Variants in PTN observed in about 807,000 individuals in gnomAD.
The protein encoded by PTN is heparin affin regulatory protein.
In PTN, 18 loss-of-function variants were observed where a neutral mutation model predicts 24.1. That is an observed-to-expected ratio of 0.75 (90% confidence interval 0.52 to 1.11). The LOEUF is 1.11. Ranked by LOEUF, PTN falls within the 50% of genes least tolerant of loss-of-function variation. The pLI is 0.00. For missense variants in PTN, 163 were observed against 198.8 expected, an observed-to-expected ratio of 0.82 and a Z score of 1.08; for synonymous variants, 78 against 68.6, an observed-to-expected ratio of 1.14 and a Z score of -0.67.
intron 1 of PTN, among the ~76,000 whole-genome samples, chr7:137,264,022 C>A (rs1809090492): frequency 6.6e-6 from 1 of 152,146 alleles, no homozygotes; most frequent in Non-Finnish European, 1.5e-5. Flanking sequence ...TGAGTGAATT[C>A]TTTCCTTTTT....
rs181444840 is a variant in PTN at position 137,290,933 on chromosome 7, G to T, written c.-1-35959C>A. ...ACCATTTCTCTTCATCACACAACGT[G>T]GAACATTTGAAAGGTATTTTTTAAG... On this transcript the variant is annotated intron_variant, in intron 1 of 4. Coordinates refer to ENST00000348225, the MANE Select transcript of PTN (RefSeq NM_002825.7). Among the ~76,000 whole-genome samples, 4 of 152,126 alleles carry T rather than the reference G, an allele frequency of 2.6e-5. No homozygotes were observed. In the East Asian group the frequency reaches 7.7e-4, roughly 29 times the overall value.
chr7:137,283,292 T>C (rs545426619), intron 1 of PTN, among the ~76,000 whole-genome samples: 2 of 152,318 alleles, frequency 1.3e-5, no homozygotes, highest in Admixed American at 1.3e-4. Flanking sequence ...TGAAGTTAGC[T>C]ACTCCTTCAA....
intron 1 of PTN, among the ~76,000 whole-genome samples, chr7:137,332,361 G>A (rs900206967): frequency 2.7e-5 from 4 of 150,580 alleles, no homozygotes; most frequent in African/African-American, 9.8e-5. Flanking sequence ...GTATATTTGT[G>A]TTTTCCTAAT....
At chr7:137,251,174 GATCTT>G in intron 4 of PTN, 51 bp downstream of exon 4, 1 of 1,579,750 alleles carries the variant, frequency 6.3e-7, no homozygotes, top group Non-Finnish European at 8.7e-7. Flanking sequence ...GGGTTTTCCA[GATCTT>G]ACCTGAGTCC....
At chr7:137,259,554 G>C (rs146256958) in intron 1 of PTN, among the ~76,000 whole-genome samples, 132 of 151,918 alleles carry the variant, frequency 8.7e-4, no homozygotes, top group African/African-American at 3.1e-3. Flanking sequence ...TACAGTATTA[G>C]TTGCTGAATA....
At chr7:137,266,222 AAT>A (rs1223624710) in intron 1 of PTN, among the ~76,000 whole-genome samples, 3 of 152,302 alleles carry the variant, frequency 2.0e-5, no homozygotes, top group South Asian at 4.1e-4. Flanking sequence ...AAGTTTAGCT[AAT>A]ATGTTTACAC....
intron 1 of PTN, among the ~76,000 whole-genome samples, chr7:137,300,000 T>C (rs1386311524): frequency 6.6e-6 from 1 of 151,778 alleles, no homozygotes; most frequent in African/African-American, 2.4e-5. Context: ...TCCCAAGTCT[T>C]TGGGCTAAGC....
intron 1 of PTN, among the ~76,000 whole-genome samples, chr7:137,290,301 C>A (rs1809620190): frequency 6.6e-6 from 1 of 152,144 alleles, no homozygotes. Context: ...CAAACTGTAT[C>A]ATATTGCAAT....
intron 4 of PTN, chr7:137,236,087 G>T (rs963952259): frequency 5.8e-6 from 4 of 685,272 alleles, no homozygotes; most frequent in Non-Finnish European, 1.1e-5. Flanking sequence ...CATCAACCAT[G>T]CAGAACAAAA....
At chr7:137,306,930 A>T (rs1809898600) in intron 1 of PTN, among the ~76,000 whole-genome samples, 1 of 151,836 alleles carries the variant, frequency 6.6e-6, no homozygotes, top group Admixed American at 6.6e-5. Flanking sequence ...TCCCTGGCAC[A>T]CAATCTCGGG....
intron 4 of PTN, among the ~76,000 whole-genome samples, chr7:137,250,506 A>AG (rs1476627522): frequency 1.3e-5 from 2 of 152,196 alleles, no homozygotes; most frequent in Non-Finnish European, 2.9e-5. Context: ...TGACATTGTG[A>AG]GGGGGTTAAA....
At chr7:137,281,460 T>G (rs1174056960) in intron 1 of PTN, among the ~76,000 whole-genome samples, 1 of 152,166 alleles carries the variant, frequency 6.6e-6, no homozygotes, top group Non-Finnish European at 1.5e-5. Context: ...TCAGAACCCC[T>G]TGCTGTGCAA....
intron 1 of PTN, among the ~76,000 whole-genome samples, chr7:137,301,710 T>A (rs1005331224): frequency 2.0e-5 from 3 of 152,002 alleles, no homozygotes; most frequent in African/African-American, 7.2e-5. Flanking sequence ...GGAACTCAGA[T>A]TAAAACAAAC....
At chr7:137,317,514 C>T (rs138041747) in intron 1 of PTN, among the ~76,000 whole-genome samples, 122 of 152,262 alleles carry the variant, frequency 8.0e-4, no homozygotes, top group African/African-American at 2.5e-3. Context: ...CACACACATG[C>T]GAGTGCCATC....
At chr7:137,333,386 C>A (rs930283935) in intron 1 of PTN, among the ~76,000 whole-genome samples, 2 of 152,152 alleles carry the variant, frequency 1.3e-5, no homozygotes, top group Non-Finnish European at 2.9e-5. Context: ...TCTATTTGTT[C>A]TAGCCTGAGT....
chr7:137,330,338 G>GAGGAGA (rs954705310), intron 1 of PTN, among the ~76,000 whole-genome samples: 3 of 151,952 alleles, frequency 2.0e-5, no homozygotes, highest in Non-Finnish European at 4.4e-5. Context: ...AGAGGAGGAG[G>GAGGAGA]AGGAGAAGGA....
At chr7:137,241,377 T>C (rs1167416158) in intron 4 of PTN, among the ~76,000 whole-genome samples, 1 of 152,160 alleles carries the variant, frequency 6.6e-6, no homozygotes, top group African/African-American at 2.4e-5. Flanking sequence ...GTGTGAGCAA[T>C]GCACTAAACT....
chr7:137,227,962 C>A lies in PTN; in HGVS notation c.*58G>T. ...ACAAAGCCTACGGTACATATAAATG[C>A]AATAGTTAACTGATCCTGTTTGCTG... On this transcript the variant is annotated 3_prime_UTR_variant, in exon 5 of 5. Transcript: ENST00000348225. 6.3e-7 allele frequency: 1 copy of A among 1,588,786 alleles called. No homozygotes were observed. Among genetic ancestry groups the A allele is most frequent in the Non-Finnish European group, 8.5e-7 (1 of 1,170,364 alleles).
chr7:137,265,723 C>T (rs1439555814), intron 1 of PTN, among the ~76,000 whole-genome samples: 2 of 152,208 alleles, frequency 1.3e-5, no homozygotes, highest in Non-Finnish European at 2.9e-5. Context: ...ACAATCAGGG[C>T]CTCTGGCCTG....
Sources: allele counts gnomAD v4.1 joint callset (sites outside exome capture counted in the v4.1 genomes callset), GRCh38; gene constraint gnomAD v4.1.1; transcripts MANE v1.5; gene names NCBI Gene and HGNC (gene_info 2026-07-23, HGNC 2026-07-21).